MYO18B: variants seen among roughly 807,000 people sequenced by gnomAD.
MYO18B encodes the protein unconventional myosin-XVIIIb.
A neutral mutation model predicts 273.0 loss-of-function variants in MYO18B; 204 were observed. That is an observed-to-expected ratio of 0.75 (90% CI 0.67 to 0.84). The LOEUF (loss-of-function observed/expected upper bound fraction) is 0.84, where lower values mean the gene tolerates loss of function less well. MYO18B is among the 40% of genes least tolerant of loss of function. MYO18B has a pLI of 0.00. For synonymous variants in MYO18B, 1,330 were observed against 1,305.7 expected (o/e 1.02, Z -0.40); for missense variants, 3,212 against 3,287.6 (o/e 0.98, Z 0.56).
At chr22:25,832,643 A>C (rs1057329023) in intron 15 of MYO18B, among the ~76,000 whole-genome samples, 1 of 152,190 alleles carries the variant, frequency 6.6e-6, no homozygotes, top group Non-Finnish European at 1.5e-5. Context: ...ATGGGTACAG[A>C]GATTCCGTTT....
chr22:25,870,424 C>T (rs2285194), intron 22 of MYO18B, among the ~76,000 whole-genome samples: 29,705 of 152,026 alleles, frequency 0.2, 3,339 homozygotes, highest in East Asian at 0.4. Flanking sequence ...ATGGTAATGA[C>T]CTGAGTATTT....
chr22:25,748,149 G>A (rs1568961755), intron 1 of MYO18B, among the ~76,000 whole-genome samples: 1 of 152,224 alleles, frequency 6.6e-6, no homozygotes, highest in Non-Finnish European at 1.5e-5. Flanking sequence ...TGAGAAAACT[G>A]GGGGCGGATT....
intron 34 of MYO18B, among the ~76,000 whole-genome samples, chr22:25,942,428 A>G (rs1214430084): frequency 6.6e-6 from 1 of 152,100 alleles, no homozygotes; most frequent in Non-Finnish European, 1.5e-5. Flanking sequence ...ATAGCACGAA[A>G]CCACTGAGCT....
At chr22:25,981,173 C>T (rs1241239627) in intron 39 of MYO18B, among the ~76,000 whole-genome samples, 1 of 152,216 alleles carries the variant, frequency 6.6e-6, no homozygotes, top group Admixed American at 6.5e-5. Context: ...GACCTTATCT[C>T]TAAATACAGT....
At chr22:25,884,120 G>C (rs930416108) in intron 25 of MYO18B, among the ~76,000 whole-genome samples, 1 of 152,186 alleles carries the variant, frequency 6.6e-6, no homozygotes, top group Non-Finnish European at 1.5e-5. Flanking sequence ...AGCCTGAGAG[G>C]TTTCGCTTTT....
the MYO18B span, among the ~76,000 whole-genome samples, chr22:26,052,898 G>A: frequency 3.0e-4 from 45 of 151,874 alleles, 1 homozygote; most frequent in African/African-American, 1.0e-3. Context: ...TGCCTCCCGG[G>A]TTCATGCCAT....
At position 25,847,456 on chromosome 22, in the gene MYO18B, G is replaced by T; in HGVS notation, c.3579G>T (p.Arg1193Ser). Residue 1193 changes from arginine (R) to serine (S), a missense_variant, in exon 20 of 44, where the codon AGG becomes AGT. By Grantham distance (110) the Arg-to-Ser change is moderately radical. Coordinates refer to ENST00000335473, the MANE Select transcript of MYO18B (RefSeq NM_032608.7). ...QMDALTSMIK[R>S]SRLHFIHCLV... ...ATGCGCTGACCAGCATGATCAAAAG[G>T]TCCCGGCTGCACTTTATCCACTGCC... The T allele has an allele frequency of 6.3e-7, 1 of 1,575,124 alleles. No individual in the cohort carries two copies. The highest frequency in any genetic ancestry group is 8.6e-7 in the Non-Finnish European group (1 of 1,160,032).
In MYO18B at chr22:25,872,099, G is replaced by C. The variant is rs572995130; in HGVS notation, c.3952-2187G>C. On this transcript the variant is annotated intron_variant, in intron 22 of 43. Transcript: ENST00000335473. ...TTATTTCAATGAGACTAATGGTCTT[G>C]GTGGCCCTGTCTGATAGGAAGTGTT... is the stretch of plus-strand genomic sequence containing the variant. 1.6e-3 allele frequency among the ~76,000 whole-genome samples: 239 copies of C among 152,154 alleles called. 1 individual carries two copies. Among genetic ancestry groups the C allele is most frequent in the African/African-American group, 5.4e-3 (224 of 41,508 alleles).
intron 39 of MYO18B, among the ~76,000 whole-genome samples, chr22:25,971,015 T>C (rs1473580458): frequency 6.6e-6 from 1 of 152,232 alleles, no homozygotes; most frequent in Non-Finnish European, 1.5e-5. Context: ...GATGCTCTGA[T>C]CCAGGGACTG....
At position 25,947,750 on chromosome 22, in the gene MYO18B, G is replaced by A. The variant is rs374392610; in HGVS notation, c.5670G>A (p.Ala1890=). ...TGTACAGGCTGCAGTTTGAGAAGGC[G>A]GACCTCCTGAAGCGCATCGATGAGG... ...EQLYRLQFEK[A]DLLKRIDEDQ... is the part of the protein sequence containing the mutation. Residue 1890 remains alanine (A), a synonymous_variant, in exon 36 of 44, where the codon GCG becomes GCA. Transcript: ENST00000335473. 110 of 1,613,744 alleles carry A rather than the reference G, an allele frequency of 6.8e-5. No individual in the cohort carries two copies. Among genetic ancestry groups the A allele is most frequent in the South Asian group, 5.5e-4 (50 of 91,050 alleles).
chr22:26,004,885 G>A (rs768340195), intron 42 of MYO18B, 30 bp downstream of exon 42: 14 of 1,611,796 alleles, frequency 8.7e-6, no homozygotes, highest in East Asian at 2.2e-5. Context: ...GCCTCTGGAT[G>A]GCTAATAGCT....
At chr22:25,950,956 C>T (rs1157396035) in intron 37 of MYO18B, among the ~76,000 whole-genome samples, 2 of 152,158 alleles carry the variant, frequency 1.3e-5, no homozygotes, top group Non-Finnish European at 2.9e-5. Context: ...AGAGCCAGTC[C>T]GAGTCCCAAA....
Position 25,769,014 on chromosome 22 carries a change from G to C in MYO18B, c.1098G>C (p.Gly366=), listed in dbSNP as rs781442636. 1.7e-5 allele frequency: 27 copies of C among 1,611,236 alleles called. No individual in the cohort carries two copies. The South Asian group carries it at 3.0e-4, about 18-fold the overall frequency. Reference sequence around the variant, plus strand: ...CAAGCCAAGTGCAGGGCGAGTTGGGGGACGATCTGAGAATGGGGGAGAAAG... The same window carrying C: ...CAAGCCAAGTGCAGGGCGAGTTGGGCGACGATCTGAGAATGGGGGAGAAAG... The part of the protein sequence containing the change: ...EKTSQVQGEL[G]DDLRMGEKAG... Residue 366 remains glycine (G), a synonymous_variant, in exon 4 of 44, where the codon GGG becomes GGC. Coordinates refer to ENST00000335473, the MANE Select transcript of MYO18B (RefSeq NM_032608.7).
At chr22:25,965,805 A>G (rs1410937966) in intron 39 of MYO18B, among the ~76,000 whole-genome samples, 2 of 152,216 alleles carry the variant, frequency 1.3e-5, no homozygotes, top group East Asian at 3.8e-4. Flanking sequence ...ACTGGCTTGC[A>G]AAATTCCCTA....
At chr22:25,754,344 G>C (rs922236505) in intron 1 of MYO18B, among the ~76,000 whole-genome samples, 1 of 152,180 alleles carries the variant, frequency 6.6e-6, no homozygotes. Flanking sequence ...TGACAGGGAG[G>C]ATAGAAAGGG....
chr22:25,951,065 G>A (rs189915773), intron 37 of MYO18B, among the ~76,000 whole-genome samples: 263 of 152,278 alleles, frequency 1.7e-3, no homozygotes, highest in Admixed American at 4.0e-3. Flanking sequence ...TCCTTTTCAC[G>A]TTTTCCTGCC....
chr22:25,963,025 C>T (rs991948789), intron 39 of MYO18B, among the ~76,000 whole-genome samples: 2 of 152,118 alleles, frequency 1.3e-5, no homozygotes, highest in Non-Finnish European at 2.9e-5. Flanking sequence ...TCTTCCTCCT[C>T]CCTCTTCAAC....
chr22:25,797,765 T>C (rs762392435), intron 11 of MYO18B, among the ~76,000 whole-genome samples, 188 bp from the exon 12 acceptor site: 1 of 151,996 alleles, frequency 6.6e-6, no homozygotes, highest in Non-Finnish European at 1.5e-5. Flanking sequence ...CAGAGAAAAA[T>C]GATTTGGATA....
At chr22:25,992,608 G>T (rs942442244) in intron 40 of MYO18B, 115 bp downstream of exon 40, 212 of 1,354,256 alleles carry the variant, frequency 1.6e-4, no homozygotes, top group Non-Finnish European at 2.1e-4. Flanking sequence ...AAAGATGTTC[G>T]GGGGCTGGAG....
Sources: gnomAD v4.1 joint callset for allele counts (sites outside exome capture counted in the v4.1 genomes callset) on GRCh38, gnomAD v4.1.1 for gene constraint, MANE v1.5 for transcripts, NCBI Gene and HGNC (gene_info 2026-07-23, HGNC 2026-07-21) for gene names.